Variants in MED12L observed in about 807,000 individuals in gnomAD.
MED12L encodes the protein mediator of RNA polymerase II transcription subunit 12-like protein.
In MED12L, 60 loss-of-function variants were observed where a neutral mutation model predicts 281.3. The observed-to-expected ratio is 0.21, with a 90% CI of 0.17 to 0.26. The LOEUF is 0.26. Among genes scored for constraint, MED12L ranks in the 10% least tolerant of loss-of-function variants. MED12L has a pLI of 1.00. For synonymous variants in MED12L, 974 were observed against 987.2 expected, an observed-to-expected ratio of 0.99 and a Z score of 0.25; for missense variants, 2,146 against 2,680.9, an observed-to-expected ratio of 0.80 and a Z score of 4.41.
At chr3:151,296,184 G>T (rs927428324) in intron 16 of MED12L, among the ~76,000 whole-genome samples, 7 of 152,144 alleles carry the variant, frequency 4.6e-5, no homozygotes, top group Admixed American at 2.0e-4. Context: ...TACGCCTATT[G>T]TATTTATTGT....
intron 16 of MED12L, among the ~76,000 whole-genome samples, chr3:151,285,872 T>C (rs1189457535): frequency 6.6e-6 from 1 of 152,114 alleles, no homozygotes. Context: ...CCATGAGGAA[T>C]AGGTCCTCAC....
chr3:151,426,554 T>C (rs1718893875), intron 43 of MED12L, among the ~76,000 whole-genome samples: 1 of 152,192 alleles, frequency 6.6e-6, no homozygotes, highest in African/African-American at 2.4e-5. Context: ...AAGAAGATTG[T>C]AGATATAGAT....
At chr3:151,151,030 G>GTTTTTTTTTTTTTTTTTT (rs1342933481) in intron 5 of MED12L, among the ~76,000 whole-genome samples, 1 of 11,806 alleles carries the variant, frequency 8.5e-5, no homozygotes, top group Non-Finnish European at 1.9e-4. Flanking sequence ...TGCTGAAGTA[G>GTTTTTTTTTTTTTTTTTT]CTTTTTTTTT....
At chr3:151,199,940 G>A (rs1361382542) in intron 16 of MED12L, among the ~76,000 whole-genome samples, 1 of 151,872 alleles carries the variant, frequency 6.6e-6, no homozygotes, top group Non-Finnish European at 1.5e-5. Flanking sequence ...TCTCCAGCCT[G>A]GTCGCAAGAG....
chr3:151,415,513 T>C (rs986262250), intron 42 of MED12L, among the ~76,000 whole-genome samples: 19 of 152,182 alleles, frequency 1.2e-4, no homozygotes, highest in African/African-American at 4.3e-4. Context: ...CATATGGCAA[T>C]AGCTATTTAT....
rs1040930531 is a variant in MED12L at position 151,088,107 on chromosome 3, G to A, written c.99+1082G>A. On this transcript the variant is annotated intron_variant, in intron 2 of 44. Transcript: ENST00000687756. ...GAGGGGTCCTTAAGACTTTCCTTTT[G>A]ATAAGTGTATCTTTCATTAGGAGAG... 3.2e-4 allele frequency among the ~76,000 whole-genome samples: 48 copies of A among 152,286 alleles called. 1 individual carries two copies. The highest frequency in any genetic ancestry group is 3.1e-3 in the Admixed American group (47 of 15,296).
chr3:151,346,528 A>G (rs949742758), intron 16 of MED12L, among the ~76,000 whole-genome samples: 42 of 152,238 alleles, frequency 2.8e-4, no homozygotes, highest in African/African-American at 9.6e-4. Context: ...AGGTTCACAC[A>G]TGGTTTGTCA....
At chr3:151,375,836 AT>A (rs1017933956) in intron 27 of MED12L, among the ~76,000 whole-genome samples, 189 bp from the exon 28 acceptor site, 2 of 151,986 alleles carry the variant, frequency 1.3e-5, no homozygotes, top group Non-Finnish European at 2.9e-5. Context: ...TCTACTTTGT[AT>A]TTTTTAGAAG....
intron 16 of MED12L, among the ~76,000 whole-genome samples, chr3:151,293,392 T>C (rs936559987): frequency 5.9e-5 from 9 of 152,274 alleles, no homozygotes; most frequent in South Asian, 2.1e-4. Flanking sequence ...GCATTTACGA[T>C]GCTGGAGGGC....
At chr3:151,176,780 A>G (rs926224978) in intron 11 of MED12L, among the ~76,000 whole-genome samples, 1 of 152,236 alleles carries the variant, frequency 6.6e-6, no homozygotes, top group Non-Finnish European at 1.5e-5. Flanking sequence ...AACTTATTAA[A>G]TGAGGAATGG....
At chr3:151,108,657 G>C (rs766793818) in intron 2 of MED12L, among the ~76,000 whole-genome samples, 2 of 152,186 alleles carry the variant, frequency 1.3e-5, no homozygotes, top group Non-Finnish European at 2.9e-5. Flanking sequence ...CTCATCCCTG[G>C]TGGACATTTC....
At chr3:151,237,490 C>T (rs1733151957) in intron 16 of MED12L, among the ~76,000 whole-genome samples, 1 of 151,514 alleles carries the variant, frequency 6.6e-6, no homozygotes, top group African/African-American at 2.4e-5. Context: ...GCTGGGACTA[C>T]AGGTGCCCGC....
intron 16 of MED12L, among the ~76,000 whole-genome samples, chr3:151,308,298 A>G (rs1262221698): frequency 3.9e-5 from 6 of 152,134 alleles, no homozygotes; most frequent in Admixed American, 6.5e-5. Context: ...TCTGTATCAC[A>G]TTACTATGTA....
intron 16 of MED12L, among the ~76,000 whole-genome samples, chr3:151,264,304 G>T (rs1331350539): frequency 1.3e-5 from 2 of 152,216 alleles, no homozygotes; most frequent in Non-Finnish European, 2.9e-5. Flanking sequence ...AAAAGAGTTT[G>T]TGCTCACTTA....
chr3:151,174,083 C>G (rs1269774282), intron 11 of MED12L, among the ~76,000 whole-genome samples: 2 of 152,152 alleles, frequency 1.3e-5, no homozygotes, highest in Admixed American at 6.6e-5. Flanking sequence ...TATATACTTA[C>G]CAGTTGAGCA....
intron 16 of MED12L, among the ~76,000 whole-genome samples, chr3:151,242,354 C>T (rs1202937735): frequency 1.3e-5 from 2 of 152,170 alleles, no homozygotes; most frequent in Admixed American, 1.3e-4. Context: ...GCAGTAACCT[C>T]TGCAGACTTA....
At chr3:151,247,075 A>G (rs867392943) in intron 16 of MED12L, among the ~76,000 whole-genome samples, 2 of 152,240 alleles carry the variant, frequency 1.3e-5, no homozygotes, top group Middle Eastern at 3.2e-3. Flanking sequence ...ACCATCTCAC[A>G]CCAGTTAGAT....
chr3:151,304,464 T>C (rs545203241), intron 16 of MED12L, among the ~76,000 whole-genome samples: 140 of 152,054 alleles, frequency 9.2e-4, no homozygotes, highest in Non-Finnish European at 1.3e-4. Context: ...GTCCCAGCTA[T>C]TCGGGAGGCT....
intron 36 of MED12L, among the ~76,000 whole-genome samples, chr3:151,386,056 G>A (rs1271879479): frequency 6.6e-6 from 1 of 152,158 alleles, no homozygotes; most frequent in African/African-American, 2.4e-5. Context: ...AAATTGACAC[G>A]AGTCATTTTG....
Sources: allele counts gnomAD v4.1 joint callset (sites outside exome capture counted in the v4.1 genomes callset), GRCh38; gene constraint gnomAD v4.1.1; transcripts MANE v1.5; gene names NCBI Gene and HGNC (gene_info 2026-07-23, HGNC 2026-07-21).